AGBL1: variants seen among roughly 807,000 people sequenced by gnomAD.
The protein encoded by AGBL1 is AGBL carboxypeptidase 1.
AGBL1 carries 130 observed loss-of-function variants against 118.9 expected under a neutral mutation model. The observed-to-expected ratio is 1.09, with a 90% CI of 0.95 to 1.26. The LOEUF is 1.26. Ranked by LOEUF, AGBL1 falls within the 50% of genes most tolerant of loss-of-function variation. The pLI is 0.00. For missense variants in AGBL1, 1,584 were observed against 1,298.1 expected (o/e 1.22, Z -3.38); for synonymous variants, 555 against 478.9 (o/e 1.16, Z -2.08).
chr15:87,002,052 C>G (rs1339004035), intron 24 of AGBL1, among the ~76,000 whole-genome samples: 2 of 151,982 alleles, frequency 1.3e-5, no homozygotes, highest in Non-Finnish European at 2.9e-5. Context: ...AAGTCCTTGC[C>G]CATGCCTATG....
At chr15:86,249,366 A>G (rs2078771791) in intron 7 of AGBL1, among the ~76,000 whole-genome samples, 1 of 152,146 alleles carries the variant, frequency 6.6e-6, no homozygotes, top group Non-Finnish European at 1.5e-5. Context: ...CAACCGTGGT[A>G]TCTGGAGACA....
At chr15:86,652,781 C>A (rs951051903) in intron 21 of AGBL1, among the ~76,000 whole-genome samples, 10 of 152,146 alleles carry the variant, frequency 6.6e-5, no homozygotes, top group Non-Finnish European at 1.0e-4. Flanking sequence ...ACACACACTT[C>A]AGTGTGTGTA....
chr15:86,922,019 A>G (rs983983428), intron 23 of AGBL1, among the ~76,000 whole-genome samples: 1 of 152,200 alleles, frequency 6.6e-6, no homozygotes, highest in Non-Finnish European at 1.5e-5. Flanking sequence ...GTTACTCTGT[A>G]TGGACTTAGT....
intron 18 of AGBL1, among the ~76,000 whole-genome samples, chr15:86,403,861 T>G (rs2081483926): frequency 6.6e-6 from 1 of 152,188 alleles, no homozygotes; most frequent in Admixed American, 6.5e-5. Flanking sequence ...TTCTTGTATA[T>G]TATTTAGTCC....
chr15:86,177,870 A>G (rs2077502111), intron 5 of AGBL1, among the ~76,000 whole-genome samples: 1 of 152,202 alleles, frequency 6.6e-6, no homozygotes. Flanking sequence ...AGCTTCCACC[A>G]TAAGAAAGGA....
intron 22 of AGBL1, among the ~76,000 whole-genome samples, chr15:86,794,002 C>A (rs762369223): frequency 6.6e-6 from 1 of 152,096 alleles, no homozygotes; most frequent in Non-Finnish European, 1.5e-5. Flanking sequence ...ATTGCTGGTG[C>A]AAATGAAAAT....
intron 18 of AGBL1, among the ~76,000 whole-genome samples, chr15:86,499,671 A>T (rs557313140): frequency 1.3e-5 from 2 of 152,066 alleles, no homozygotes; most frequent in South Asian, 4.1e-4. Context: ...CTGGTCCCAT[A>T]GAATGAGGTT....
intron 17 of AGBL1, among the ~76,000 whole-genome samples, chr15:86,380,084 G>A (rs932329293): frequency 6.6e-6 from 1 of 152,088 alleles, no homozygotes; most frequent in Admixed American, 6.5e-5. Flanking sequence ...CGTTAGGCTT[G>A]TATTAAATGA....
chr15:86,722,445 G>T (rs866224687), intron 22 of AGBL1, among the ~76,000 whole-genome samples: 2 of 152,164 alleles, frequency 1.3e-5, no homozygotes, highest in Non-Finnish European at 1.5e-5. Flanking sequence ...GGGAAAACTG[G>T]CTAGCCATCT....
chr15:86,200,870 C>T (rs1458990376), intron 5 of AGBL1, among the ~76,000 whole-genome samples: 2 of 152,148 alleles, frequency 1.3e-5, no homozygotes, highest in Admixed American at 1.3e-4. Context: ...CTTGTCTCGG[C>T]CTCCGAAATT....
Position 86,264,293 on chromosome 15 carries a change from T to C in AGBL1, c.1122T>C (p.Ser374=), listed in dbSNP as rs79927230. The C allele has an allele frequency of 6.7e-5, 108 of 1,607,358 alleles. No homozygotes were observed. In the African/African-American group the frequency reaches 1.4e-3, roughly 20 times the overall value. The stretch of plus-strand genomic sequence containing the variant: ...CCAAACTTGGAGATGATTTGAACTC[T>C]GAAAAGACTCAGTATGCCAATCACC... ...LQSKLGDDLN[S]EKTQYANHHH... is the part of the protein sequence containing the mutation. The change falls in exon 11 of 23, where the codon TCT becomes TCC. Residue 374 remains serine (S), a synonymous_variant. Coordinates refer to ENST00000614907, the MANE Select transcript of AGBL1 (RefSeq NM_001386094.1).
At position 86,873,380 on chromosome 15, in the gene AGBL1, T is replaced by A. The variant is rs1188057405; in HGVS notation, c.3159-33707T>A. Among the ~76,000 whole-genome samples, 2 of 152,174 alleles carry A rather than the reference T, an allele frequency of 1.3e-5. 1 individual carries two copies. Among genetic ancestry groups the A allele is most frequent in the South Asian group, 4.1e-4 (2 of 4,822 alleles). On this transcript the variant is annotated intron_variant, in intron 22 of 22. Coordinates refer to ENST00000614907, the MANE Select transcript of AGBL1 (RefSeq NM_001386094.1). ...AAGATATTAATAATGAGAATAAAAA[T>A]TTTAAGAATCGACTTTTGTTCAGCG...
At chr15:86,933,754 T>A (rs1377209880) in intron 23 of AGBL1, among the ~76,000 whole-genome samples, 2 of 152,240 alleles carry the variant, frequency 1.3e-5, no homozygotes, top group Admixed American at 6.5e-5. Flanking sequence ...AGCTCTATTC[T>A]AACCACTAAG....
At chr15:86,682,555 A>T (rs2085979696) in intron 22 of AGBL1, among the ~76,000 whole-genome samples, 1 of 152,126 alleles carries the variant, frequency 6.6e-6, no homozygotes, top group Non-Finnish European at 1.5e-5. Flanking sequence ...GCCCATAAAA[A>T]TCTCTCATTT....
chr15:86,860,349 C>A (rs956764520), intron 22 of AGBL1, among the ~76,000 whole-genome samples: 1 of 151,988 alleles, frequency 6.6e-6, no homozygotes, highest in Admixed American at 6.6e-5. Context: ...TCAAGAGAGC[C>A]AGCTCCCCTT....
intron 18 of AGBL1, among the ~76,000 whole-genome samples, chr15:86,412,769 G>A (rs2081640716): frequency 1.3e-5 from 2 of 152,064 alleles, no homozygotes; most frequent in Admixed American, 6.6e-5. Flanking sequence ...CTAAACCACT[G>A]CCATCCCCAC....
intron 4 of AGBL1, among the ~76,000 whole-genome samples, chr15:86,154,984 T>C (rs564193083): frequency 6.6e-6 from 1 of 152,254 alleles, no homozygotes; most frequent in Admixed American, 6.5e-5. Flanking sequence ...AAATTACTCA[T>C]TGATTACAAC....
intron 5 of AGBL1, among the ~76,000 whole-genome samples, chr15:86,211,090 G>T (rs1434430205): frequency 6.6e-6 from 1 of 152,200 alleles, no homozygotes; most frequent in East Asian, 1.9e-4. Context: ...CTTCAGGTCT[G>T]TTGGAGTTTG....
chr15:86,192,532 C>T (rs2077739826), intron 5 of AGBL1, among the ~76,000 whole-genome samples: 12 of 151,986 alleles, frequency 7.9e-5, no homozygotes, highest in Admixed American at 7.9e-4. Context: ...TGGTCATACA[C>T]TAAAGCTGTC....
Sources: gnomAD v4.1 joint callset for allele counts (sites outside exome capture counted in the v4.1 genomes callset) on GRCh38, gnomAD v4.1.1 for gene constraint, MANE v1.5 for transcripts, NCBI Gene and HGNC (gene_info 2026-07-23, HGNC 2026-07-21) for gene names.